Variants in PAN3 observed in about 807,000 individuals in gnomAD.
PAN3 encodes PAN2-PAN3 deadenylation complex subunit PAN3.
Under a neutral mutation model 96.2 loss-of-function variants are expected in PAN3, and 19 were observed. The ratio of observed to expected loss-of-function variants is 0.20; its 90% confidence interval spans 0.14 to 0.29. The LOEUF (loss-of-function observed/expected upper bound fraction) is 0.29. PAN3 is among the 10% of genes least tolerant of loss of function. The pLI, the probability that PAN3 is intolerant of heterozygous loss-of-function variation, is 1.00. For missense variants in PAN3, 882 were observed against 1,108.1 expected (o/e 0.80, Z 2.90); for synonymous variants, 433 against 406.6 (o/e 1.06, Z -0.78).
chr13:28,236,077 G>T (rs1883078656), intron 6 of PAN3, among the ~76,000 whole-genome samples: 1 of 152,116 alleles, frequency 6.6e-6, no homozygotes, highest in East Asian at 1.9e-4. Flanking sequence ...AAAGTTAAAT[G>T]CTCCTGTGGT....
intron 6 of PAN3, among the ~76,000 whole-genome samples, chr13:28,230,508 T>TA (rs1263830910): frequency 6.6e-6 from 1 of 152,038 alleles, no homozygotes; most frequent in African/African-American, 2.4e-5. Context: ...TTTAAATTGT[T>TA]ACAAAAAAAT....
chr13:28,160,870 ACTT>A (rs1175661416), intron 1 of PAN3, among the ~76,000 whole-genome samples: 2 of 152,186 alleles, frequency 1.3e-5, no homozygotes, highest in African/African-American at 4.8e-5. Flanking sequence ...TCTTTTCTGT[ACTT>A]CTATTGAGAA....
At chr13:28,152,427 C>G (rs1173216281) in intron 1 of PAN3, among the ~76,000 whole-genome samples, 1 of 151,664 alleles carries the variant, frequency 6.6e-6, no homozygotes, top group Admixed American at 6.6e-5. Flanking sequence ...CTACTAAAAA[C>G]ACAAAAATTA....
At chr13:28,145,484 C>T (rs1566133234) in intron 1 of PAN3, among the ~76,000 whole-genome samples, 1 of 152,036 alleles carries the variant, frequency 6.6e-6, no homozygotes, top group Non-Finnish European at 1.5e-5. Context: ...GCCACCGTGC[C>T]TGGCTAATTT....
chr13:28,143,475 A>G (rs927132986), intron 1 of PAN3, among the ~76,000 whole-genome samples: 1 of 152,244 alleles, frequency 6.6e-6, no homozygotes, highest in East Asian at 1.9e-4. Context: ...GAAACCCAGT[A>G]GTTTTAATTT....
chr13:28,273,990 C>G (rs1452548720), intron 14 of PAN3, among the ~76,000 whole-genome samples: 1 of 152,144 alleles, frequency 6.6e-6, no homozygotes, highest in Non-Finnish European at 1.5e-5. Flanking sequence ...CTGTTTTGCT[C>G]GTAAACCACA....
At chr13:28,263,702 C>T (rs1885923774) in intron 9 of PAN3, among the ~76,000 whole-genome samples, 1 of 152,142 alleles carries the variant, frequency 6.6e-6, no homozygotes, top group Admixed American at 6.5e-5. Flanking sequence ...AAAAAGTCAA[C>T]TTCAAATAGA....
intron 1 of PAN3, among the ~76,000 whole-genome samples, chr13:28,139,383 G>T (rs1290539433): frequency 6.6e-6 from 1 of 150,428 alleles, no homozygotes; most frequent in Admixed American, 6.6e-5. Context: ...GTGGCGTGCG[G>T]AGTGTGAGAA....
intron 12 of PAN3, 34 bp from the exon 13 acceptor site, chr13:28,270,667 A>G (rs1886538628): frequency 6.3e-7 from 1 of 1,596,036 alleles, no homozygotes; most frequent in Admixed American, 1.7e-5. Flanking sequence ...TTGATTACTT[A>G]AGATGTCATT....
intron 5 of PAN3, among the ~76,000 whole-genome samples, chr13:28,199,624 T>G (rs1043221906): frequency 1.3e-5 from 2 of 150,454 alleles, no homozygotes; most frequent in Non-Finnish European, 3.0e-5. Context: ...GATTCCAAAC[T>G]GGGGGTCTGG....
intron 4 of PAN3, among the ~76,000 whole-genome samples, chr13:28,187,488 C>G (rs1314712359): frequency 6.6e-6 from 1 of 152,160 alleles, no homozygotes; most frequent in Non-Finnish European, 1.5e-5. Flanking sequence ...TGTGCCCTTG[C>G]ATAGCAAGGT....
intron 6 of PAN3, among the ~76,000 whole-genome samples, chr13:28,236,564 G>A (rs999065911): frequency 2.6e-5 from 4 of 152,152 alleles, no homozygotes; most frequent in South Asian, 2.1e-4. Context: ...TTTAAAGGAA[G>A]GATAAGATTT....
At chr13:28,253,039 A>G (rs1884865795) in intron 6 of PAN3, among the ~76,000 whole-genome samples, 1 of 152,188 alleles carries the variant, frequency 6.6e-6, no homozygotes, top group African/African-American at 2.4e-5. Flanking sequence ...AGAAACTTCT[A>G]TTACAGTGTA....
upstream of PAN3, chr13:28,138,360 G>A (rs550656977): frequency 1.1e-5 from 2 of 183,842 alleles, no homozygotes; most frequent in East Asian, 1.4e-4. Flanking sequence ...CGCCCTCGAA[G>A]TCCCCGTCTG....
At chr13:28,175,333 C>G (rs1480457441) in intron 2 of PAN3, among the ~76,000 whole-genome samples, 2 of 152,172 alleles carry the variant, frequency 1.3e-5, no homozygotes, top group Non-Finnish European at 2.9e-5. Context: ...CAGCTTCAAC[C>G]TTCTAGGCAC....
chr13:28,191,613 A>G (rs928071719), intron 4 of PAN3, among the ~76,000 whole-genome samples: 3 of 152,056 alleles, frequency 2.0e-5, no homozygotes, highest in Admixed American at 6.6e-5. Flanking sequence ...GAGTCCACTA[A>G]TTTGTCGACC....
chr13:28,292,674 TGAAAG>T lies in PAN3; in HGVS notation c.*156_*160del, dbSNP rs1278063912. The T allele has an allele frequency of 1.7e-6, 1 of 602,554 alleles. No individual in the cohort carries two copies. Among genetic ancestry groups the T allele is most frequent in the Middle Eastern group, 4.8e-4 (1 of 2,092 alleles). 37.3% of individuals were successfully genotyped at this position (602,554 alleles called of 1,614,324 possible). On this transcript the variant is annotated 3_prime_UTR_variant, in exon 19 of 19. Coordinates refer to ENST00000380958, the MANE Select transcript of PAN3 (RefSeq NM_175854.8). ...CACTTCAGTCAGGTACACTGTTACT[TGAAAG>T]GAAGAATGTTTCACTTACCCAAGAG...
Position 28,260,440 on chromosome 13 carries a change from T to C in PAN3, c.1249-7T>C, listed in dbSNP as rs1160496222. 6 of 1,596,170 alleles carry C rather than the reference T, an allele frequency of 3.8e-6. No homozygotes were observed. The highest frequency in any genetic ancestry group is 1.7e-5 in the Admixed American group (1 of 59,906). On this transcript the variant is annotated splice_region_variant and splice_polypyrimidine_tract_variant and intron_variant, in intron 7 of 18. Coordinates refer to ENST00000380958, the MANE Select transcript of PAN3 (RefSeq NM_175854.8). ...TGATTACATTTACCCCCTTCCTACC[T>C]TTTTAGGTGTTTCCAAACTATCATA...
intron 5 of PAN3, among the ~76,000 whole-genome samples, chr13:28,210,950 G>C (rs1879953552): frequency 6.6e-6 from 1 of 152,120 alleles, no homozygotes; most frequent in Admixed American, 6.5e-5. Context: ...TGTCATCCAG[G>C]CTGGAGGGTA....
Sources: gnomAD v4.1 joint callset for allele counts (sites outside exome capture counted in the v4.1 genomes callset) on GRCh38, gnomAD v4.1.1 for gene constraint, MANE v1.5 for transcripts, NCBI Gene and HGNC (gene_info 2026-07-23, HGNC 2026-07-21) for gene names.